The following NUP37 variants were observed in gnomAD, a reference collection of about 807,000 sequenced individuals.
NUP37 encodes nucleoporin Nup37.
Under a neutral mutation model 45.4 loss-of-function variants are expected in NUP37, and 33 were observed. The ratio of observed to expected loss-of-function variants is 0.73; its 90% CI spans 0.55 to 0.97. The LOEUF is 0.97. NUP37 is among the 50% of genes least tolerant of loss of function. The probability of loss-of-function intolerance (pLI) is 0.00; values close to 1 mark genes in which losing one functional copy is unlikely to be tolerated. For missense variants in NUP37, 365 were observed against 389.7 expected (o/e 0.94, Z 0.53); for synonymous variants, 127 against 130.7 (o/e 0.97, Z 0.19).
chr12:102,074,253 G>T lies in NUP37; in HGVS notation c.*101C>A. 1 of 626,234 alleles carries T rather than the reference G, an allele frequency of 1.6e-6. No homozygotes were observed. The highest frequency in any genetic ancestry group is 2.2e-5 in the South Asian group (1 of 44,514). 38.8% of individuals were successfully genotyped at this position (626,234 alleles called of 1,614,324 possible). A position where few individuals can be genotyped will look rare whatever the true frequency, so the allele number is the denominator to read the frequency against. ...ACTGAGACATTTTCTAAAGTATACG[G>T]TATATTTGATATAAAAATTCTTCAA... is the stretch of plus-strand genomic sequence containing the variant. On this transcript the variant is annotated 3_prime_UTR_variant, in exon 10 of 10. Transcript: ENST00000552283.
intron 5 of NUP37, among the ~76,000 whole-genome samples, chr12:102,092,163 T>C (rs73382897): frequency 1.3e-3 from 198 of 152,360 alleles, no homozygotes; most frequent in African/African-American, 3.9e-3. Flanking sequence ...TGGCAGCTCA[T>C]TGTTTGCTAG....
chr12:102,097,822 G>T (rs929187984), intron 5 of NUP37, among the ~76,000 whole-genome samples: 1 of 152,070 alleles, frequency 6.6e-6, no homozygotes, highest in African/African-American at 2.4e-5. Flanking sequence ...TGGTTTTGTA[G>T]TACCTGGGGC....
intron 5 of NUP37, among the ~76,000 whole-genome samples, chr12:102,092,858 T>C (rs1006463378): frequency 1.3e-5 from 2 of 152,092 alleles, no homozygotes; most frequent in African/African-American, 2.4e-5. Flanking sequence ...AGCAGGATAG[T>C]TGGAAGAATT....
chr12:102,091,553 C>G lies in NUP37; in HGVS notation c.450-5697G>C, dbSNP rs369715459. 6.1e-4 allele frequency among the ~76,000 whole-genome samples: 92 copies of G among 151,984 alleles called. 1 individual carries two copies. The South Asian group carries it at 0.015, about 25-fold the overall frequency. ...ATGTTATCAGGTTTAATTACCTTGG[C>G]CAAAACCTAGGATCTATATTAACAT... On this transcript the variant is annotated intron_variant, in intron 5 of 9. Transcript: ENST00000552283.
At chr12:102,102,307 T>C (rs1879994051) in intron 3 of NUP37, among the ~76,000 whole-genome samples, 1 of 152,146 alleles carries the variant, frequency 6.6e-6, no homozygotes, top group African/African-American at 2.4e-5. Context: ...TGTCAAGAGT[T>C]GTTAGAGAAA....
Position 102,076,806 on chromosome 12 carries a change from C to G in NUP37, c.764G>C (p.Cys255Ser), listed in dbSNP as rs149248943. 1.3e-5 allele frequency: 21 copies of G among 1,613,124 alleles called. No individual in the cohort carries two copies. Among genetic ancestry groups the G allele is most frequent in the Non-Finnish European group, 1.6e-5 (19 of 1,179,468 alleles). ...NKRPVHMDRA[C>S]LFRWSTISEN... ...AAAAACGGTACATTACCTGAATAAG[C>G]AGGCTCGATCCATGTGAACAGGTCT... The change falls in exon 8 of 10, where the codon TGC becomes TCC. Residue 255 changes from cysteine to serine, a missense_variant. Cys to Ser is a moderately radical substitution (Grantham distance 112). Coordinates refer to ENST00000552283, the MANE Select transcript of NUP37 (RefSeq NM_024057.4).
chr12:102,115,589 T>A (rs1224686355), intron 2 of NUP37, among the ~76,000 whole-genome samples: 1 of 152,206 alleles, frequency 6.6e-6, no homozygotes, highest in East Asian at 1.9e-4. Flanking sequence ...GCACCCAGTA[T>A]GCACTTAATG....
In NUP37 at chr12:102,106,038, A is replaced by G. The variant is rs141023649; in HGVS notation, c.282-4934T>C. ...CCAAAATTTAACAATGAATGAACAC[A>G]AAAAAGGATAAACACAGAGGAGATA... On this transcript the variant is annotated intron_variant, in intron 3 of 9. Coordinates refer to ENST00000552283, the MANE Select transcript of NUP37 (RefSeq NM_024057.4). Among the ~76,000 whole-genome samples, 10 of 152,234 alleles carry G rather than the reference A, an allele frequency of 6.6e-5. No individual in the cohort carries two copies. In the East Asian group the frequency reaches 7.7e-4, roughly 12 times the overall value.
chr12:102,080,459 G>A lies in NUP37; in HGVS notation c.541-2956C>T, dbSNP rs55761511. ...ACAGAAAACAAAAATGATTCTTTAA[G>A]AACAGGCAAATGTTAAGATAATACT... On this transcript the variant is annotated intron_variant, in intron 6 of 9. Coordinates refer to ENST00000552283, the MANE Select transcript of NUP37 (RefSeq NM_024057.4). Among the ~76,000 whole-genome samples, 491 of 152,206 alleles carry A rather than the reference G, an allele frequency of 3.2e-3. 2 individuals are homozygous for A. Among genetic ancestry groups the A allele is most frequent in the African/African-American group, 0.011 (457 of 41,548 alleles).
chr12:102,104,802 C>A (rs1880078771), intron 3 of NUP37, among the ~76,000 whole-genome samples: 1 of 152,122 alleles, frequency 6.6e-6, no homozygotes, highest in Non-Finnish European at 1.5e-5. Flanking sequence ...TTCCATTGGT[C>A]TACATATTTA....
chr12:102,114,843 A>G (rs1485465328), intron 2 of NUP37, among the ~76,000 whole-genome samples: 1 of 152,216 alleles, frequency 6.6e-6, no homozygotes, highest in Non-Finnish European at 1.5e-5. Flanking sequence ...CAATTGGGGG[A>G]TAGCTCTAAT....
chr12:102,088,918 C>G (rs536852553), intron 5 of NUP37, among the ~76,000 whole-genome samples: 27 of 151,932 alleles, frequency 1.8e-4, no homozygotes, highest in Middle Eastern at 3.4e-3. Flanking sequence ...TGACTCTTAA[C>G]GAGCATGCTG....
intron 5 of NUP37, among the ~76,000 whole-genome samples, chr12:102,090,792 GA>G (rs895992141): frequency 2.6e-5 from 4 of 151,674 alleles, no homozygotes; most frequent in African/African-American, 2.4e-5. Flanking sequence ...CATAACCTAA[GA>G]AAAAAAAGCA....
intron 3 of NUP37, 110 bp downstream of exon 3, chr12:102,111,998 G>A (rs1350535108): frequency 7.0e-6 from 7 of 1,001,482 alleles, no homozygotes; most frequent in Non-Finnish European, 1.0e-5. Context: ...CTAATATCTT[G>A]GATTGTGGAA....
intron 2 of NUP37, among the ~76,000 whole-genome samples, chr12:102,112,625 G>A (rs1880349936): frequency 6.6e-6 from 1 of 152,066 alleles, no homozygotes; most frequent in Admixed American, 6.6e-5. Context: ...AGTGAGACCT[G>A]TGTCTACGTT....
chr12:102,079,319 A>G, intron 6 of NUP37: 1 of 443,680 alleles, frequency 2.3e-6, no homozygotes, highest in Non-Finnish European at 4.5e-6. Context: ...AAACACATAA[A>G]ACATCATTTA....
Position 102,099,209 on chromosome 12 carries a change from A to G in NUP37, c.355-9T>C, listed in dbSNP as rs745309686. On this transcript the variant is annotated splice_polypyrimidine_tract_variant and intron_variant, in intron 4 of 9. Coordinates refer to ENST00000552283, the MANE Select transcript of NUP37 (RefSeq NM_024057.4). ...GTATGGCCCTCTAAAACCTGACAGAAAGAGAAACAGAAAGCTTAGCAAGAA... is the reference window on the plus strand; with the variant it reads ...GTATGGCCCTCTAAAACCTGACAGAGAGAGAAACAGAAAGCTTAGCAAGAA... The G allele has an allele frequency of 4.0e-5, 63 of 1,585,244 alleles. No individual in the cohort carries two copies. The highest frequency in any genetic ancestry group is 5.1e-5 in the Non-Finnish European group (59 of 1,154,134).
chr12:102,092,441 G>C (rs1320785480), intron 5 of NUP37, among the ~76,000 whole-genome samples: 1 of 152,122 alleles, frequency 6.6e-6, no homozygotes, highest in Non-Finnish European at 1.5e-5. Context: ...TACAGGAAAG[G>C]GACCCTCAAC....
At chr12:102,091,846 T>C (rs1879666239) in intron 5 of NUP37, among the ~76,000 whole-genome samples, 1 of 152,244 alleles carries the variant, frequency 6.6e-6, no homozygotes. Context: ...GCTATTCAGA[T>C]CTAAGATTAT....
Sources: gnomAD v4.1 joint callset for allele counts (sites outside exome capture counted in the v4.1 genomes callset) on GRCh38, gnomAD v4.1.1 for gene constraint, MANE v1.5 for transcripts, NCBI Gene and HGNC (gene_info 2026-07-23, HGNC 2026-07-21) for gene names.